The following ANLN variants were observed in gnomAD, a reference collection of about 807,000 sequenced individuals.
ANLN encodes anillin.
In ANLN, 59 loss-of-function variants were observed where a neutral mutation model predicts 135.1. The ratio of observed to expected loss-of-function variants is 0.44; its 90% CI spans 0.35 to 0.54. The LOEUF is 0.54. ANLN is among the 20% of genes least tolerant of loss of function. The pLI, the probability that ANLN is intolerant of heterozygous loss-of-function variation, is 0.00. For missense variants in ANLN, 1,182 were observed against 1,340.0 expected (o/e 0.88, Z 1.84); for synonymous variants, 406 against 456.4 (o/e 0.89, Z 1.41).
intron 4 of ANLN, 63 bp from the exon 5 acceptor site, chr7:36,407,671 T>C (rs567128687): frequency 8.0e-7 from 1 of 1,246,210 alleles, no homozygotes; most frequent in South Asian, 1.3e-5. Flanking sequence ...TTGAATTGTT[T>C]TGTTATAGGA....
intron 20 of ANLN, among the ~76,000 whole-genome samples, chr7:36,436,644 A>T (rs1788560354): frequency 6.6e-6 from 1 of 152,220 alleles, no homozygotes. Context: ...TTATTTTTAA[A>T]TTATAACCAT....
At chr7:36,405,584 C>T (rs775788524) in intron 3 of ANLN, among the ~76,000 whole-genome samples, 4 of 152,216 alleles carry the variant, frequency 2.6e-5, no homozygotes, top group Admixed American at 6.5e-5. Flanking sequence ...TTAAATATCA[C>T]TATTTGGGAT....
In ANLN at chr7:36,429,663, T is replaced by C. The variant is rs183689102; in HGVS notation, c.2883+2635T>C. On this transcript the variant is annotated intron_variant, in intron 20 of 23. Coordinates refer to ENST00000265748, the MANE Select transcript of ANLN (RefSeq NM_018685.5). The stretch of plus-strand genomic sequence containing the variant: ...TTTGCAAATTAGATAACCATAAGAA[T>C]TGGGATTTTACGAACTGTGTTTTTT... Among the ~76,000 whole-genome samples, 1,146 of 152,316 alleles carry C rather than the reference T, an allele frequency of 7.5e-3. 6 individuals are homozygous for C. The highest frequency in any genetic ancestry group is 0.014 in the Admixed American group (216 of 15,302).
intron 9 of ANLN, among the ~76,000 whole-genome samples, chr7:36,418,493 A>G (rs993524352): frequency 6.6e-6 from 1 of 152,240 alleles, no homozygotes; most frequent in Non-Finnish European, 1.5e-5. Context: ...AGTATATATC[A>G]TAATACCACA....
chr7:36,435,271 G>A (rs116905257), intron 20 of ANLN, among the ~76,000 whole-genome samples: 3,106 of 152,186 alleles, frequency 0.02, 48 homozygotes, highest in Middle Eastern at 0.058. Flanking sequence ...AGCCACTACA[G>A]GCAACCATTC....
intron 17 of ANLN, 110 bp downstream of exon 17, chr7:36,424,852 G>A: frequency 1.8e-6 from 2 of 1,090,008 alleles, no homozygotes; most frequent in South Asian, 3.2e-5. Context: ...TTTTGGATCA[G>A]TTTCATGTTC....
At position 36,445,501 on chromosome 7, in the gene ANLN, T is replaced by G. The variant is rs1204292513; in HGVS notation, c.3078+1639T>G. Among the ~76,000 whole-genome samples the G allele has an allele frequency of 3.9e-5, 6 of 152,198 alleles. No homozygotes were observed. In the South Asian group the frequency reaches 6.2e-4, roughly 16 times the overall value. On this transcript the variant is annotated intron_variant, in intron 22 of 23. Transcript: ENST00000265748. ...TTTGTGAAATTTGTCTGGGGTGGTA[T>G]GTGTAGCTTTAGATTGTCCCCTCTT...
rs1384091757 is a variant in ANLN at position 36,417,173 on chromosome 7, AG to A, written c.1618del (p.Val540LeufsTer7). ...TCCTTAAAAGTAACATCAGACCCAA[AG>A]GTTGAGCAGAAAATTGGTTGGTTTT... ...DKSLKVTSDP[K>X]VEQKIEVIRE... On this transcript the variant is annotated frameshift_variant, in exon 9 of 24. Coordinates refer to ENST00000265748, the MANE Select transcript of ANLN (RefSeq NM_018685.5). LOFTEE classifies it high-confidence loss of function. The A allele has an allele frequency of 6.3e-7, 1 of 1,596,212 alleles. No homozygotes were observed. The highest frequency in any genetic ancestry group is 2.2e-5 in the East Asian group (1 of 44,650).
At chr7:36,393,637 G>A (rs1018749311) in intron 1 of ANLN, among the ~76,000 whole-genome samples, 2 of 152,198 alleles carry the variant, frequency 1.3e-5, no homozygotes, top group African/African-American at 4.8e-5. Context: ...CAAAAGGTGA[G>A]GTGGGGACAT....
rs756975220 is a variant in ANLN at position 36,407,792 on chromosome 7, G to A, written c.932G>A (p.Gly311Glu). Residue 311 changes from glycine (G) to glutamate (E), a missense_variant, in exon 5 of 24, where the codon GGA becomes GAA. Gly to Glu is a moderately conservative substitution (Grantham distance 98). Transcript: ENST00000265748. Reference protein sequence around the residue: ...TSITDAKSCEGQNPELLPKTP... With the variant: ...TSITDAKSCEEQNPELLPKTP... Reference sequence around the variant, plus strand: ...ATCACTGATGCTAAAAGTTGTGAGGGACAAAATCCTGAGCTACTTCCAAAA... The same window carrying A: ...ATCACTGATGCTAAAAGTTGTGAGGAACAAAATCCTGAGCTACTTCCAAAA... 9 of 1,613,784 alleles carry A rather than the reference G, an allele frequency of 5.6e-6. No individual in the cohort carries two copies. Among genetic ancestry groups the A allele is most frequent in the Middle Eastern group, 1.7e-4 (1 of 6,060 alleles).
chr7:36,424,662 A>G (rs1334013523), intron 16 of ANLN, 24 bp from the exon 17 acceptor site: 1 of 1,607,076 alleles, frequency 6.2e-7, no homozygotes, highest in Admixed American at 1.7e-5. Flanking sequence ...TTATAAATTA[A>G]TTATGCTTTG....
chr7:36,406,611 G>A (rs1254149701), intron 4 of ANLN, 45 bp downstream of exon 4: 16 of 1,462,622 alleles, frequency 1.1e-5, no homozygotes, highest in Middle Eastern at 2.3e-4. Context: ...TTCTTTTTTC[G>A]TTATGAGTGG....
At chr7:36,450,025 G>T (rs1345763668) in intron 23 of ANLN, among the ~76,000 whole-genome samples, 188 bp downstream of exon 23, 4 of 152,194 alleles carry the variant, frequency 2.6e-5, no homozygotes, top group African/African-American at 9.6e-5. Flanking sequence ...GTTAAGGAAA[G>T]TATAATACTC....
At chr7:36,415,168 G>A (rs1256127609) in intron 7 of ANLN, among the ~76,000 whole-genome samples, 1 of 152,116 alleles carries the variant, frequency 6.6e-6, no homozygotes. Flanking sequence ...AAATAACCTT[G>A]CTAATGAATA....
At chr7:36,450,699 C>A (rs893134652) in intron 23 of ANLN, among the ~76,000 whole-genome samples, 22 of 152,226 alleles carry the variant, frequency 1.4e-4, no homozygotes, top group African/African-American at 4.8e-4. Context: ...CAGGGGCCTT[C>A]TATGCAGTGG....
At position 36,396,343 on chromosome 7, in the gene ANLN, GTCTATGAC is replaced by G; in HGVS notation, c.99_106del (p.Met34CysfsTer2). On this transcript the variant is annotated frameshift_variant, in exon 2 of 24. Transcript: ENST00000265748. LOFTEE classifies it high-confidence loss of function. ...CTGAGAGGCCCACAGCAGCTCCAAG[GTCTATGAC>G]TCATGCTAAGCGAGCTAGACAGCCA... is the stretch of plus-strand genomic sequence containing the variant. 6.2e-7 allele frequency: 1 copy of G among 1,609,740 alleles called. No homozygotes were observed. The highest frequency in any genetic ancestry group is 8.5e-7 in the Non-Finnish European group (1 of 1,176,720).
rs748729525 is a variant in ANLN, at chr7:36,417,097, A to G, written c.1540A>G (p.Met514Val). 2.6e-5 allele frequency: 42 copies of G among 1,602,066 alleles called. No individual in the cohort carries two copies. In the East Asian group the frequency reaches 9.4e-4, roughly 36 times the overall value. ...TEPKGFTECE[M>V]TKSSPLKITL... The stretch of plus-strand genomic sequence containing the variant: ...ATTTTTAGGTTTCACTGAATGCGAA[A>G]TGACGAAATCTAGCCCTTTGAAAAT... The change falls in exon 9 of 24, where the codon ATG becomes GTG. Residue 514 changes from methionine to valine, a missense_variant. Met to Val is a conservative substitution (Grantham distance 21). This residue lies in a region of ANLN where 1,022 missense variants were observed against 1,134.0 expected (regional missense o/e 0.90). Coordinates refer to ENST00000265748, the MANE Select transcript of ANLN (RefSeq NM_018685.5).
chr7:36,393,376 G>A (rs1455046336), intron 1 of ANLN, among the ~76,000 whole-genome samples: 1 of 152,182 alleles, frequency 6.6e-6, no homozygotes, highest in African/African-American at 2.4e-5. Context: ...CTGACAGGCT[G>A]GGAAACATAT....
chr7:36,422,140 T>A, intron 13 of ANLN, 148 bp downstream of exon 13: 1 of 1,005,430 alleles, frequency 9.9e-7, no homozygotes, highest in Non-Finnish European at 1.4e-6. Flanking sequence ...TTTTATAAGG[T>A]TTAAGAACTC....
Sources: gnomAD v4.1 joint callset for allele counts (sites outside exome capture counted in the v4.1 genomes callset) on GRCh38, gnomAD v4.1.1 for gene constraint, gnomAD v4.1.1 regional missense constraint, MANE v1.5 for transcripts, NCBI Gene and HGNC (gene_info 2026-07-23, HGNC 2026-07-21) for gene names.